Variants in ARB2A observed in about 807,000 individuals in gnomAD.
ARB2A encodes ARB2 cotranscriptional regulator A, also known as cotranscriptional regulator ARB2A.
the ARB2A span, among the ~76,000 whole-genome samples, chr5:93,932,692 T>A: frequency 6.6e-6 from 1 of 152,186 alleles, no homozygotes; most frequent in African/African-American, 2.4e-5. Context: ...ATAATGAAGA[T>A]GAGAAGTAAA....
chr5:93,741,721 AG>A, the ARB2A span: 2 of 827,078 alleles, frequency 2.4e-6, no homozygotes, highest in Non-Finnish European at 3.6e-6. Context: ...GTAGATCCAT[AG>A]GAACTCCTGG....
At chr5:94,098,178 CA>C in the ARB2A span, among the ~76,000 whole-genome samples, 1 of 151,982 alleles carries the variant, frequency 6.6e-6, no homozygotes, top group Non-Finnish European at 1.5e-5. Context: ...AGTATAAAAG[CA>C]AAAAGGCCCA....
the ARB2A span, among the ~76,000 whole-genome samples, chr5:93,699,787 G>T: frequency 6.6e-6 from 1 of 151,606 alleles, no homozygotes; most frequent in Non-Finnish European, 1.5e-5. Flanking sequence ...CTAAAAAGTT[G>T]TCAGATGACA....
At chr5:93,950,943 CAAA>C in the ARB2A span, among the ~76,000 whole-genome samples, 1 of 79,232 alleles carries the variant, frequency 1.3e-5, no homozygotes. Context: ...GACTCTGTCT[CAAA>C]AAAAAAAAAA....
chr5:93,943,131 C>T, the ARB2A span, among the ~76,000 whole-genome samples: 4 of 151,994 alleles, frequency 2.6e-5, no homozygotes, highest in Non-Finnish European at 5.9e-5. Flanking sequence ...TAAATTCTTA[C>T]GAATGAAATT....
chr5:93,781,373 C>A, the ARB2A span, among the ~76,000 whole-genome samples: 2 of 152,132 alleles, frequency 1.3e-5, no homozygotes, highest in Admixed American at 6.6e-5. Flanking sequence ...TAGTATTCCA[C>A]AGTATATATA....
the ARB2A span, among the ~76,000 whole-genome samples, chr5:93,746,098 C>T: frequency 6.6e-6 from 1 of 152,170 alleles, no homozygotes; most frequent in African/African-American, 2.4e-5. Context: ...CTGGAAACTA[C>T]CTGAAAATAC....
At chr5:93,994,896 AC>A in the ARB2A span, among the ~76,000 whole-genome samples, 1 of 151,228 alleles carries the variant, frequency 6.6e-6, no homozygotes, top group South Asian at 2.1e-4. Flanking sequence ...AAAGAGCAAG[AC>A]CCTGTCTCTA....
chr5:93,673,568 T>C, the ARB2A span, among the ~76,000 whole-genome samples: 1,358 of 152,308 alleles, frequency 8.9e-3, 13 homozygotes, highest in Non-Finnish European at 0.013. Flanking sequence ...TATTTTGCAG[T>C]AAATGCCCAC....
the ARB2A span, chr5:93,958,808 G>A: frequency 6.3e-7 from 1 of 1,577,796 alleles, no homozygotes; most frequent in Non-Finnish European, 8.6e-7. Context: ...CGGTATCTGT[G>A]TGCCACTGTC....
chr5:93,654,985 G>T, the ARB2A span, among the ~76,000 whole-genome samples: 2 of 152,138 alleles, frequency 1.3e-5, no homozygotes, highest in Admixed American at 1.3e-4. Flanking sequence ...AAGCACCCTG[G>T]ACTTGTAAAC....
the ARB2A span, among the ~76,000 whole-genome samples, chr5:93,843,268 G>A: frequency 6.6e-6 from 1 of 151,946 alleles, no homozygotes; most frequent in Non-Finnish European, 1.5e-5. Context: ...TTAGACATAT[G>A]GAAAATGCCT....
the ARB2A span, among the ~76,000 whole-genome samples, chr5:93,764,841 C>T: frequency 3.9e-5 from 6 of 152,266 alleles, no homozygotes; most frequent in South Asian, 1.2e-3. Context: ...AAAAGCTTAT[C>T]CAGCATGATC....
At chr5:94,077,552 CATT>C in the ARB2A span, among the ~76,000 whole-genome samples, 1 of 152,094 alleles carries the variant, frequency 6.6e-6, no homozygotes, top group South Asian at 2.1e-4. Flanking sequence ...CAATCAAGAA[CATT>C]ATAAATTCTC....
At chr5:93,794,690 G>T in the ARB2A span, among the ~76,000 whole-genome samples, 1 of 152,042 alleles carries the variant, frequency 6.6e-6, no homozygotes, top group East Asian at 1.9e-4. Flanking sequence ...TGCTCTTCTG[G>T]GTCTAGACAC....
the ARB2A span, among the ~76,000 whole-genome samples, chr5:93,966,112 A>T: frequency 6.6e-6 from 1 of 152,052 alleles, no homozygotes; most frequent in South Asian, 2.1e-4. Flanking sequence ...GGAGGTTCAA[A>T]CTAAACATAT....
chr5:93,921,931 C>T, the ARB2A span, among the ~76,000 whole-genome samples: 2 of 152,036 alleles, frequency 1.3e-5, no homozygotes, highest in African/African-American at 2.4e-5. Context: ...CCATCCAGAC[C>T]CCCAAGAGTT....
At chr5:93,887,283 T>C in the ARB2A span, among the ~76,000 whole-genome samples, 70 of 149,956 alleles carry the variant, frequency 4.7e-4, no homozygotes, top group Non-Finnish European at 7.9e-4. Flanking sequence ...AAAGAAAATT[T>C]CACAAACAAA....
chr5:94,030,310 G>T, the ARB2A span, among the ~76,000 whole-genome samples: 1 of 152,254 alleles, frequency 6.6e-6, no homozygotes, highest in African/African-American at 2.4e-5. Context: ...GTATCAGTCA[G>T]CTGGGCTCAA....
Sources: allele counts gnomAD v4.1 joint callset (sites outside exome capture counted in the v4.1 genomes callset), GRCh38; gene constraint gnomAD v4.1.1; transcripts MANE v1.5; gene names NCBI Gene and HGNC (gene_info 2026-07-23, HGNC 2026-07-21).